Variants in C1orf21 observed in about 807,000 individuals in gnomAD.
C1orf21 encodes chromosome 1 open reading frame 21, also known as uncharacterized protein C1orf21.
Under a neutral mutation model 18.7 loss-of-function variants are expected in C1orf21, and 3 were observed. The observed-to-expected ratio is 0.16, with a 90% CI of 0.07 to 0.42. The LOEUF is 0.42. Among genes scored for constraint, C1orf21 ranks in the 10% least tolerant of loss-of-function variants. C1orf21 has a pLI of 0.99. For synonymous variants in C1orf21, 41 were observed against 46.4 expected (o/e 0.88, Z 0.47); for missense variants, 104 against 143.6 (o/e 0.72, Z 1.41).
At chr1:184,437,646 T>G in intron 1 of C1orf21, among the ~76,000 whole-genome samples, 1 of 152,168 alleles carries the variant, frequency 6.6e-6, no homozygotes, top group East Asian at 1.9e-4. Context: ...TCGGCCTTTT[T>G]GGCACCAGAG....
intron 3 of C1orf21, among the ~76,000 whole-genome samples, chr1:184,523,135 A>G (rs1411624253): frequency 6.6e-6 from 1 of 152,200 alleles, no homozygotes; most frequent in African/African-American, 2.4e-5. Context: ...ACCCTTGAGG[A>G]GGTGGAACAT....
intron 5 of C1orf21, among the ~76,000 whole-genome samples, chr1:184,607,829 AATG>A (rs1017037441): frequency 1.3e-5 from 2 of 152,078 alleles, no homozygotes; most frequent in African/African-American, 2.4e-5. Context: ...GATTATGCAG[AATG>A]ATAAAAATTG....
chr1:184,537,901 G>A (rs889170522), intron 3 of C1orf21, among the ~76,000 whole-genome samples: 2 of 152,008 alleles, frequency 1.3e-5, no homozygotes, highest in East Asian at 1.9e-4. Flanking sequence ...CGCCCACCTC[G>A]GCCTCCCAAA....
intron 1 of C1orf21, among the ~76,000 whole-genome samples, chr1:184,453,873 C>T (rs1443260231): frequency 1.3e-5 from 2 of 152,110 alleles, no homozygotes; most frequent in Non-Finnish European, 2.9e-5. Flanking sequence ...GTTTCAAAAA[C>T]GAACTCTGAA....
chr1:184,418,159 A>G (rs568664411), intron 1 of C1orf21, among the ~76,000 whole-genome samples: 5 of 148,084 alleles, frequency 3.4e-5, no homozygotes, highest in East Asian at 2.0e-4. Flanking sequence ...GTCATCAACT[A>G]AAACTTTGGT....
chr1:184,596,623 A>G (rs927939764), intron 4 of C1orf21, among the ~76,000 whole-genome samples: 3 of 152,182 alleles, frequency 2.0e-5, no homozygotes, highest in Admixed American at 6.5e-5. Flanking sequence ...TAATCCAAGC[A>G]CTTTAGGAGG....
At chr1:184,452,602 A>G (rs1469738419) in intron 1 of C1orf21, among the ~76,000 whole-genome samples, 1 of 152,250 alleles carries the variant, frequency 6.6e-6, no homozygotes, top group Admixed American at 6.5e-5. Context: ...GGAGGGCCAC[A>G]ATTTGTACTT....
intron 5 of C1orf21, among the ~76,000 whole-genome samples, chr1:184,605,780 A>C (rs1659639541): frequency 6.6e-6 from 1 of 152,190 alleles, no homozygotes; most frequent in South Asian, 2.1e-4. Flanking sequence ...TGGGATATTG[A>C]AGAAAATACA....
chr1:184,575,029 C>T (rs1659167660), intron 3 of C1orf21, among the ~76,000 whole-genome samples: 1 of 152,156 alleles, frequency 6.6e-6, no homozygotes, highest in African/African-American at 2.4e-5. Context: ...AATGAAGAAA[C>T]TCGGGGCTCA....
At chr1:184,539,802 T>C (rs181833766) in intron 3 of C1orf21, among the ~76,000 whole-genome samples, 32 of 152,220 alleles carry the variant, frequency 2.1e-4, no homozygotes, top group African/African-American at 7.5e-4. Flanking sequence ...GAAATGTGAG[T>C]GGAGGGGATA....
chr1:184,427,951 TG>T (rs753266563), intron 1 of C1orf21, among the ~76,000 whole-genome samples: 6 of 152,212 alleles, frequency 3.9e-5, no homozygotes, highest in Non-Finnish European at 7.3e-5. Context: ...ACTCCAGGGC[TG>T]GAACACTCAA....
chr1:184,616,042 C>T (rs188066191), intron 5 of C1orf21, among the ~76,000 whole-genome samples: 1 of 152,278 alleles, frequency 6.6e-6, no homozygotes, highest in East Asian at 1.9e-4. Context: ...TCCTTCTTAA[C>T]CATCCCCTCT....
At chr1:184,598,731 C>A (rs1659549941) in intron 5 of C1orf21, among the ~76,000 whole-genome samples, 1 of 152,022 alleles carries the variant, frequency 6.6e-6, no homozygotes, top group East Asian at 1.9e-4. Context: ...TTTTTCTAGA[C>A]CGAGCATTCT....
intron 1 of C1orf21, among the ~76,000 whole-genome samples, chr1:184,445,983 G>A (rs899020319): frequency 6.6e-6 from 1 of 152,104 alleles, no homozygotes; most frequent in African/African-American, 2.4e-5. Context: ...ACCCATATGG[G>A]TGATATGGTA....
At chr1:184,592,627 C>T (rs937257092) in intron 4 of C1orf21, among the ~76,000 whole-genome samples, 4 of 152,108 alleles carry the variant, frequency 2.6e-5, no homozygotes, top group African/African-American at 9.7e-5. Context: ...ACACAGGCAC[C>T]CCAACCCAAA....
chr1:184,463,212 G>C (rs575647164), intron 1 of C1orf21, among the ~76,000 whole-genome samples: 2 of 152,208 alleles, frequency 1.3e-5, no homozygotes, highest in African/African-American at 4.8e-5. Flanking sequence ...AAAGTCAACT[G>C]ATGCAGTTGT....
Position 184,624,861 on chromosome 1 carries a change from C to T in C1orf21, c.*5305C>T, listed in dbSNP as rs1364954952. The T allele has an allele frequency of 6.6e-6, 1 of 152,216 alleles. No individual in the cohort carries two copies. Among genetic ancestry groups the T allele is most frequent in the Non-Finnish European group, 1.5e-5 (1 of 68,048 alleles). 9.4% of individuals were successfully genotyped at this position (152,216 alleles called of 1,614,324 possible). A position where few individuals can be genotyped will look rare whatever the true frequency, so the allele number is the denominator to read the frequency against. ...CATCCTCTAAAGATGACTCATGTCTCCATAGCAACTGTTAAAGGTGCTGCC... is the reference window on the plus strand; with the variant it reads ...CATCCTCTAAAGATGACTCATGTCTTCATAGCAACTGTTAAAGGTGCTGCC... On this transcript the variant is annotated 3_prime_UTR_variant, in exon 6 of 6. Transcript: ENST00000235307.
intron 3 of C1orf21, among the ~76,000 whole-genome samples, chr1:184,580,307 C>A (rs898841760): frequency 1.3e-5 from 2 of 152,202 alleles, no homozygotes; most frequent in Non-Finnish European, 2.9e-5. Context: ...GGTTCTCGAT[C>A]TCACTTATTT....
chr1:184,459,101 T>C (rs1224651071), intron 1 of C1orf21, among the ~76,000 whole-genome samples: 1 of 152,230 alleles, frequency 6.6e-6, no homozygotes, highest in East Asian at 1.9e-4. Context: ...GATCCCTGTC[T>C]GGGGAACACT....
Sources: gnomAD v4.1 joint callset for allele counts (sites outside exome capture counted in the v4.1 genomes callset) on GRCh38, gnomAD v4.1.1 for gene constraint, MANE v1.5 for transcripts, NCBI Gene and HGNC (gene_info 2026-07-23, HGNC 2026-07-21) for gene names.